EPB41L5: variants seen among roughly 807,000 people sequenced by gnomAD.
EPB41L5 encodes the protein band 4.1-like protein 5.
EPB41L5 carries 55 observed loss-of-function variants against 106.6 expected under a neutral mutation model. The observed-to-expected ratio is 0.52, with a 90% confidence interval of 0.42 to 0.65. The LOEUF (loss-of-function observed/expected upper bound fraction) is 0.65, where lower values mean the gene tolerates loss of function less well. EPB41L5 is among the 30% of genes least tolerant of loss of function. EPB41L5 has a pLI of 0.00. For missense variants in EPB41L5, 871 were observed against 882.1 expected, an observed-to-expected ratio of 0.99 and a Z score of 0.16; for synonymous variants, 297 against 306.7, an observed-to-expected ratio of 0.97 and a Z score of 0.33.
chr2:120,057,387 G>T (rs1174786623), intron 3 of EPB41L5, among the ~76,000 whole-genome samples: 1 of 152,162 alleles, frequency 6.6e-6, no homozygotes, highest in Non-Finnish European at 1.5e-5. Flanking sequence ...ATATAGTCCA[G>T]TGATGATCTT....
chr2:120,114,575 C>T (rs1024962771), intron 16 of EPB41L5, among the ~76,000 whole-genome samples: 2 of 152,280 alleles, frequency 1.3e-5, no homozygotes, highest in African/African-American at 4.8e-5. Context: ...AGTTGAAGAG[C>T]ACCTGCATTT....
rs556390268 is a variant in EPB41L5, at chr2:120,160,231, T to C, written c.1794-650T>C. Among the ~76,000 whole-genome samples, 174 of 152,346 alleles carry C rather than the reference T, an allele frequency of 1.1e-3. 1 individual carries two copies. Among genetic ancestry groups the C allele is most frequent in the South Asian group, 6.2e-3 (30 of 4,830 alleles). ...CTGAAGTTAAAAAAAAATTATACTT[T>C]TCGGCTTCAAAGTTAATTCCTTTTT... On this transcript the variant is annotated intron_variant, in intron 20 of 24. Coordinates refer to ENST00000263713, the MANE Select transcript of EPB41L5 (RefSeq NM_020909.4).
chr2:120,017,859 G>A (rs577855882), intron 1 of EPB41L5, among the ~76,000 whole-genome samples: 2 of 152,060 alleles, frequency 1.3e-5, no homozygotes, highest in South Asian at 4.1e-4. Flanking sequence ...GTGCAGTGAG[G>A]CATCTCAGCT....
chr2:120,090,702 G>A (rs181187214), intron 12 of EPB41L5, among the ~76,000 whole-genome samples, 186 bp downstream of exon 12: 1 of 152,162 alleles, frequency 6.6e-6, no homozygotes, highest in South Asian at 2.1e-4. Context: ...TTCTTGAATA[G>A]ATGCGTAAAC....
At chr2:120,147,592 T>A (rs945394148) in intron 20 of EPB41L5, among the ~76,000 whole-genome samples, 3 of 126,450 alleles carry the variant, frequency 2.4e-5, no homozygotes, top group Admixed American at 2.0e-4. Flanking sequence ...GCCACTGCAC[T>A]CCAGCGTGGG....
Position 120,142,953 on chromosome 2 carries a change from A to G in EPB41L5, c.1600-50A>G, listed in dbSNP as rs1018654849. 10 of 1,507,900 alleles carry G rather than the reference A, an allele frequency of 6.6e-6. No homozygotes were observed. The African/African-American group carries it at 8.4e-5, about 13-fold the overall frequency. 93.4% of individuals were successfully genotyped at this position (1,507,900 alleles called of 1,614,324 possible). A position where few individuals can be genotyped will look rare whatever the true frequency, so the allele number is the denominator to read the frequency against. Reference sequence around the variant, plus strand: ...TCATCAGTCTATTTCCTATTTCCATATAACTATAGTGCATCAGAGTTGATT... The same window carrying G: ...TCATCAGTCTATTTCCTATTTCCATGTAACTATAGTGCATCAGAGTTGATT... On this transcript the variant is annotated intron_variant, in intron 18 of 24. Transcript: ENST00000263713.
At chr2:120,150,314 A>AT (rs1487259006) in intron 20 of EPB41L5, among the ~76,000 whole-genome samples, 3 of 151,490 alleles carry the variant, frequency 2.0e-5, no homozygotes, top group Non-Finnish European at 2.9e-5. Context: ...TCCTTTGCTC[A>AT]TTTTTTATTT....
chr2:120,049,754 A>G (rs1383979480), intron 3 of EPB41L5, among the ~76,000 whole-genome samples: 3 of 152,112 alleles, frequency 2.0e-5, no homozygotes, highest in Admixed American at 2.0e-4. Flanking sequence ...GTTTCTTCCT[A>G]GCATCGATGG....
intron 3 of EPB41L5, among the ~76,000 whole-genome samples, chr2:120,057,129 A>C (rs1383067055): frequency 3.3e-5 from 5 of 152,096 alleles, no homozygotes; most frequent in Non-Finnish European, 7.4e-5. Context: ...CCTGGATGCA[A>C]GTGATCCTCT....
chr2:120,068,536 G>C (rs895307240), intron 3 of EPB41L5, among the ~76,000 whole-genome samples: 1 of 152,186 alleles, frequency 6.6e-6, no homozygotes. Flanking sequence ...GGCGTCCGCC[G>C]TTACTGAGGC....
intron 2 of EPB41L5, among the ~76,000 whole-genome samples, chr2:120,021,730 C>T (rs867552775): frequency 6.6e-6 from 1 of 152,176 alleles, no homozygotes. Context: ...ATAAAGTGGT[C>T]ATTGGCCTGT....
chr2:120,107,601 C>T (rs989493487), intron 16 of EPB41L5, among the ~76,000 whole-genome samples: 8 of 152,144 alleles, frequency 5.3e-5, no homozygotes, highest in Non-Finnish European at 1.0e-4. Flanking sequence ...ATGCCAGCCT[C>T]TTCCCCTACC....
chr2:120,123,966 C>G (rs182415716), intron 16 of EPB41L5, among the ~76,000 whole-genome samples: 1 of 152,174 alleles, frequency 6.6e-6, no homozygotes, highest in East Asian at 1.9e-4. Context: ...CCTGTTTGTT[C>G]TTTTAGTCTT....
At chr2:120,048,589 T>TA (rs1306283687) in intron 3 of EPB41L5, among the ~76,000 whole-genome samples, 116 of 151,418 alleles carry the variant, frequency 7.7e-4, no homozygotes, top group African/African-American at 2.3e-3. Context: ...GTTGATCTTT[T>TA]AAAAAAAAAC....
chr2:120,166,325 T>C (rs1209717915), intron 22 of EPB41L5, among the ~76,000 whole-genome samples: 3 of 152,224 alleles, frequency 2.0e-5, no homozygotes, highest in African/African-American at 7.2e-5. Context: ...TTACCAAGGA[T>C]AAGAATTAAC....
intron 11 of EPB41L5, 25 bp downstream of exon 11, chr2:120,087,265 A>C (rs1222496880): frequency 1.5e-6 from 2 of 1,331,058 alleles, no homozygotes; most frequent in African/African-American, 2.9e-5. Flanking sequence ...ATATTCTATT[A>C]CTTGTGTAAC....
chr2:120,034,530 TTGTAG>T (rs1165124141), intron 2 of EPB41L5, among the ~76,000 whole-genome samples: 3 of 152,312 alleles, frequency 2.0e-5, no homozygotes, highest in East Asian at 1.9e-4. Flanking sequence ...ATAAAAATAC[TTGTAG>T]TGTAGTGATT....
intron 13 of EPB41L5, among the ~76,000 whole-genome samples, chr2:120,092,288 C>T (rs1048576333): frequency 1.3e-5 from 2 of 152,010 alleles, no homozygotes; most frequent in Non-Finnish European, 1.5e-5. Flanking sequence ...CTTGGCCTCC[C>T]GAATCCTAAA....
At chr2:120,146,970 G>A (rs1451315221) in intron 20 of EPB41L5, among the ~76,000 whole-genome samples, 2 of 152,136 alleles carry the variant, frequency 1.3e-5, no homozygotes, top group African/African-American at 4.8e-5. Context: ...ATAGTGTATA[G>A]CACTTTATAT....
Sources: allele counts gnomAD v4.1 joint callset (sites outside exome capture counted in the v4.1 genomes callset), GRCh38; gene constraint gnomAD v4.1.1; transcripts MANE v1.5; gene names NCBI Gene and HGNC (gene_info 2026-07-23, HGNC 2026-07-21).